SLAIN2: variants seen among roughly 807,000 people sequenced by gnomAD.
SLAIN2 encodes SLAIN motif-containing protein 2.
Under a neutral mutation model 56.6 loss-of-function variants are expected in SLAIN2, and 31 were observed. That is an observed-to-expected ratio of 0.55 (90% CI 0.41 to 0.74). The LOEUF (loss-of-function observed/expected upper bound fraction) is 0.74, where lower values mean the gene tolerates loss of function less well. Among genes scored for constraint, SLAIN2 ranks in the 30% least tolerant of loss-of-function variants. The pLI, the probability that SLAIN2 is intolerant of heterozygous loss-of-function variation, is 0.00. For missense variants in SLAIN2, 777 were observed against 754.2 expected, an observed-to-expected ratio of 1.03 and a Z score of -0.35; for synonymous variants, 317 against 284.9, an observed-to-expected ratio of 1.11 and a Z score of -1.13.
At chr4:48,371,778 C>CA (rs1560455319) in intron 2 of SLAIN2, among the ~76,000 whole-genome samples, 1 of 151,588 alleles carries the variant, frequency 6.6e-6, no homozygotes, top group Non-Finnish European at 1.5e-5. Flanking sequence ...CCCACCTCTA[C>CA]AAAAAATAAA....
At chr4:48,421,764 C>T (rs1437936645) in intron 7 of SLAIN2, among the ~76,000 whole-genome samples, 1 of 151,060 alleles carries the variant, frequency 6.6e-6, no homozygotes, top group African/African-American at 2.4e-5. Context: ...ACCATCTTTT[C>T]CTTTCTTTTA....
At position 48,341,985 on chromosome 4, in the gene SLAIN2, C is replaced by A; in HGVS notation, c.246C>A (p.Gly82=). The A allele has an allele frequency of 7.0e-7, 1 of 1,428,884 alleles. No homozygotes were observed. The highest frequency in any genetic ancestry group is 3.4e-5 in the Admixed American group (1 of 29,500). The allele number at this position is 1,428,884 out of a possible 1,614,324, so 88.5% of individuals were successfully genotyped here. The part of the protein sequence containing the change: ...SAKSGGGPGS[G]PRRTSSEELR... ...AGTCGGGCGGCGGGCCCGGGTCGGG[C>A]CCGAGGCGGACGAGTAGCGAAGAGC... The change falls in exon 1 of 8, where the codon GGC becomes GGA. Residue 82 remains glycine, a synonymous_variant. Transcript: ENST00000264313.
intron 6 of SLAIN2, 103 bp downstream of exon 6, chr4:48,383,887 C>T (rs1020604791): frequency 6.4e-6 from 8 of 1,242,706 alleles, no homozygotes; most frequent in East Asian, 2.6e-5. Flanking sequence ...GCTGAAAAAC[C>T]GTTTTAAACC....
chr4:48,365,338 C>G (rs558525127), intron 1 of SLAIN2, among the ~76,000 whole-genome samples: 2 of 143,658 alleles, frequency 1.4e-5, no homozygotes, highest in African/African-American at 5.1e-5. Context: ...GGCGTGGTGG[C>G]GGGCACCTGT....
chr4:48,369,218 T>C (rs1398513215), intron 1 of SLAIN2, among the ~76,000 whole-genome samples: 1 of 152,220 alleles, frequency 6.6e-6, no homozygotes, highest in Non-Finnish European at 1.5e-5. Flanking sequence ...AAAATTTATG[T>C]ACACACTTCC....
At chr4:48,350,982 A>G (rs1714995791) in intron 1 of SLAIN2, among the ~76,000 whole-genome samples, 1 of 152,240 alleles carries the variant, frequency 6.6e-6, no homozygotes, top group Non-Finnish European at 1.5e-5. Context: ...TTAGTTAAAA[A>G]TCAGGTTTAT....
intron 1 of SLAIN2, among the ~76,000 whole-genome samples, chr4:48,348,442 C>T (rs994969641): frequency 6.6e-6 from 1 of 152,014 alleles, no homozygotes; most frequent in African/African-American, 2.4e-5. Context: ...AATCCTAACA[C>T]TTTGAGAGGC....
At chr4:48,375,333 A>AC (rs1226684671) in intron 2 of SLAIN2, among the ~76,000 whole-genome samples, 1 of 152,170 alleles carries the variant, frequency 6.6e-6, no homozygotes, top group African/African-American at 2.4e-5. Flanking sequence ...GTGAATATGT[A>AC]CAAAACTACA....
At chr4:48,369,813 A>G (rs1715617079) in intron 1 of SLAIN2, 36 bp from the exon 2 acceptor site, 1 of 1,595,814 alleles carries the variant, frequency 6.3e-7, no homozygotes, top group Admixed American at 1.7e-5. Flanking sequence ...CTTGTGCTTA[A>G]TAAGGAATTT....
In SLAIN2 at chr4:48,425,099, A is replaced by G. The variant is rs1473108828; in HGVS notation, c.*3022A>G. On this transcript the variant is annotated 3_prime_UTR_variant, in exon 8 of 8. Transcript: ENST00000264313. ...TCAGTTGCCTACACTTGGTTTTAAT[A>G]AATTACTCAGTTGAGTTTTTCTTTA... 1 of 152,054 alleles carries G rather than the reference A, an allele frequency of 6.6e-6. No homozygotes were observed. Among genetic ancestry groups the G allele is most frequent in the Non-Finnish European group, 1.5e-5 (1 of 67,988 alleles). 9.4% of individuals were successfully genotyped at this position (152,054 alleles called of 1,614,324 possible). A position where few individuals can be genotyped will look rare whatever the true frequency, so the allele number is the denominator to read the frequency against.
At chr4:48,400,946 C>T (rs566326946) in intron 6 of SLAIN2, among the ~76,000 whole-genome samples, 2 of 152,234 alleles carry the variant, frequency 1.3e-5, no homozygotes, top group South Asian at 4.2e-4. Flanking sequence ...AAATTTCCCT[C>T]TTAACATTGC....
chr4:48,372,963 T>TA (rs1715708346), intron 2 of SLAIN2, among the ~76,000 whole-genome samples: 1 of 152,122 alleles, frequency 6.6e-6, no homozygotes, highest in African/African-American at 2.4e-5. Context: ...GCAGAACAGT[T>TA]ATTACTCCTT....
rs1228891774 is a variant in SLAIN2 at position 48,341,881 on chromosome 4, A to G, written c.142A>G (p.Ser48Gly). ...GGGCGCCGGCTCCCTTGGGCCCGGC[A>G]GCCCGGTTCGGGCCGGCGCGTCCAT... The part of the protein sequence containing the change: ...VQGAGSLGPG[S>G]PVRAGASIPS... Residue 48 changes from serine (S) to glycine (G), a missense_variant, in exon 1 of 8, where the codon AGC becomes GGC. By Grantham distance (56) the Ser-to-Gly change is moderately conservative. Transcript: ENST00000264313. 1 of 1,516,488 alleles carries G rather than the reference A, an allele frequency of 6.6e-7. No homozygotes were observed. Among genetic ancestry groups the G allele is most frequent in the Non-Finnish European group, 8.8e-7 (1 of 1,133,134 alleles). 93.9% of individuals were successfully genotyped at this position (1,516,488 alleles called of 1,614,324 possible). A position where few individuals can be genotyped will look rare whatever the true frequency, so the allele number is the denominator to read the frequency against.
chr4:48,341,683 T>G lies in SLAIN2; in HGVS notation c.-57T>G, dbSNP rs1714702680. ...GCGACGCCTCTTTCCTCCGTCTCTT[T>G]CCCTGTCGCTGCGAGAGCGAGCGGG... On this transcript the variant is annotated 5_prime_UTR_variant, in exon 1 of 8. Transcript: ENST00000264313. 6.6e-7 allele frequency: 1 copy of G among 1,509,162 alleles called. No individual in the cohort carries two copies. The highest frequency in any genetic ancestry group is 1.4e-5 in the African/African-American group (1 of 69,430). 93.5% of individuals were successfully genotyped at this position (1,509,162 alleles called of 1,614,324 possible).
At chr4:48,408,277 G>C (rs1484745221) in intron 6 of SLAIN2, among the ~76,000 whole-genome samples, 1 of 151,914 alleles carries the variant, frequency 6.6e-6, no homozygotes, top group Non-Finnish European at 1.5e-5. Flanking sequence ...GCTGCAGTGA[G>C]GTGTGATCGC....
At chr4:48,364,779 C>T (rs1403673590) in intron 1 of SLAIN2, among the ~76,000 whole-genome samples, 1 of 136,034 alleles carries the variant, frequency 7.4e-6, no homozygotes, top group Non-Finnish European at 1.6e-5. Context: ...GCAGGAGAAT[C>T]AGGCAGGGAG....
chr4:48,377,793 A>T, intron 2 of SLAIN2, 103 bp from the exon 3 acceptor site: 1 of 1,086,230 alleles, frequency 9.2e-7, no homozygotes, highest in Non-Finnish European at 1.3e-6. Context: ...TTCTTCATTT[A>T]AATTGAGATA....
intron 6 of SLAIN2, among the ~76,000 whole-genome samples, chr4:48,406,514 G>GCT (rs1376671190): frequency 2.3e-5 from 3 of 133,274 alleles, no homozygotes; most frequent in African/African-American, 5.4e-5. Context: ...TTTTGGTTAT[G>GCT]CTCTCTCTCT....
intron 2 of SLAIN2, among the ~76,000 whole-genome samples, chr4:48,372,027 CAT>C (rs980611538): frequency 2.8e-5 from 4 of 143,862 alleles, no homozygotes; most frequent in African/African-American, 5.4e-5. Context: ...CATATATACA[CAT>C]ATATATACAT....
Sources: allele counts gnomAD v4.1 joint callset (sites outside exome capture counted in the v4.1 genomes callset), GRCh38; gene constraint gnomAD v4.1.1; transcripts MANE v1.5; gene names NCBI Gene and HGNC (gene_info 2026-07-23, HGNC 2026-07-21).